PLEKHG6: variants seen among roughly 807,000 people sequenced by gnomAD.
The protein encoded by PLEKHG6 is pleckstrin homology and RhoGEF domain containing G6.
A neutral mutation model predicts 97.5 loss-of-function variants in PLEKHG6; 91 were observed. The observed-to-expected ratio is 0.93, with a 90% confidence interval of 0.79 to 1.11. PLEKHG6 has a LOEUF of 1.11. Ranked by LOEUF, PLEKHG6 falls within the 50% of genes most tolerant of loss-of-function variation. PLEKHG6 has a pLI of 0.00. For missense variants in PLEKHG6, 1,044 were observed against 1,031.0 expected (o/e 1.01, Z -0.17); for synonymous variants, 466 against 425.5 (o/e 1.10, Z -1.17).
chr12:6,327,479 T>TCGCCC lies in PLEKHG6; in HGVS notation c.1897_1898insGCCCC (p.Pro633ArgfsTer24). On this transcript the variant is annotated frameshift_variant, in exon 15 of 16. Coordinates refer to ENST00000684764, the MANE Select transcript of PLEKHG6 (RefSeq NM_001384598.1). LOFTEE classifies it high-confidence loss of function. ...TGGAACTCCGGGACATCCCTCTGCG[T>TCGCCC]CCCCACCCTCCCGACCCCCAAGCTC... 1.9e-6 allele frequency: 3 copies of TCGCCC among 1,603,244 alleles called. No homozygotes were observed. Among genetic ancestry groups the TCGCCC allele is most frequent in the Non-Finnish European group, 2.6e-6 (3 of 1,171,698 alleles).
Position 6,327,801 on chromosome 12 carries a change from A to T in PLEKHG6, c.2218A>T (p.Arg740Ter), listed in dbSNP as rs374611798. The T allele has an allele frequency of 9.9e-6, 15 of 1,517,822 alleles. No homozygotes were observed. Among genetic ancestry groups the T allele is most frequent in the Non-Finnish European group, 1.3e-5 (15 of 1,134,668 alleles). 94.0% of individuals were successfully genotyped at this position (1,517,822 alleles called of 1,614,324 possible). A position where few individuals can be genotyped will look rare whatever the true frequency, so the allele number is the denominator to read the frequency against. Reference sequence around the variant, plus strand: ...CCCAATGCGGGCTGAGGACATGCTCAGAGAGATCCGGGAGGAGCTGGCCAG... The same window carrying T: ...CCCAATGCGGGCTGAGGACATGCTCTGAGAGATCCGGGAGGAGCTGGCCAG... ...LRPMRAEDML[R>*]EIREELASQR... is the part of the protein sequence containing the mutation. Residue 740 changes from arginine (R) to a stop codon, truncating the protein, a stop_gained, in exon 15 of 16, where the codon AGA (arginine) becomes TGA (stop). Coordinates refer to ENST00000684764, the MANE Select transcript of PLEKHG6 (RefSeq NM_001384598.1). LOFTEE classifies it high-confidence loss of function.
rs763446832 is a variant in PLEKHG6 at position 6,315,156 on chromosome 12, T to A, written c.446T>A (p.Val149Glu). 9.8e-5 allele frequency: 158 copies of A among 1,610,918 alleles called. 7 individuals are homozygous for A. The South Asian group carries it at 1.6e-3, about 16-fold the overall frequency. ...LTIEKSWREL[V>E]PGHKEMSQEL... ...ATCGAGAAGTCCTGGAGGGAGCTGGTGCCTGGGCACAAGGTGAGCCTGAAA... is the reference window on the plus strand; with the variant it reads ...ATCGAGAAGTCCTGGAGGGAGCTGGAGCCTGGGCACAAGGTGAGCCTGAAA... The change falls in exon 4 of 16, where the codon GTG becomes GAG. Residue 149 changes from valine to glutamate, a missense_variant. By Grantham distance (121) the Val-to-Glu change is moderately radical. Transcript: ENST00000684764. The surrounding 1 kb of genome is among the most constrained non-coding windows in gnomAD (Gnocchi z 4.5).
intron 3 of PLEKHG6, 151 bp from the exon 4 acceptor site, chr12:6,314,854 C>T (rs1163777284): frequency 1.1e-5 from 8 of 704,644 alleles, no homozygotes; most frequent in African/African-American, 8.9e-5. Flanking sequence ...CATGTCCCCA[C>T]TCATACTCAG....
chr12:6,312,679 G>T (rs1476638381), intron 2 of PLEKHG6: 2 of 1,192,692 alleles, frequency 1.7e-6, no homozygotes, highest in Non-Finnish European at 2.1e-6. Flanking sequence ...CGCCTCCCAG[G>T]CTCCCGCCTC....
upstream of PLEKHG6, chr12:6,310,549 A>G (rs373263249): frequency 3.3e-5 from 5 of 152,056 alleles, no homozygotes; most frequent in East Asian, 5.8e-4. Flanking sequence ...GGGCACCGCC[A>G]CGTGAGCTGT....
Position 6,315,110 on chromosome 12 carries a change from G to C in PLEKHG6, c.400G>C (p.Gly134Arg). 6.2e-7 allele frequency: 1 copy of C among 1,613,058 alleles called. No individual in the cohort carries two copies. The highest frequency in any genetic ancestry group is 1.6e-4 in the Middle Eastern group (1 of 6,062). Residue 134 changes from glycine to arginine, a missense_variant, in exon 4 of 16, where the codon GGT becomes CGT. Transcript: ENST00000684764. The surrounding 1 kb of genome is among the most constrained non-coding windows in gnomAD (Gnocchi z 4.5). ...EDRRHWEIGE[G>R]GDSGLTIEKS... ...CCGGCGGCACTGGGAGATAGGAGAG[G>C]GTGGCGACAGTGGCCTGACCATCGA... is the stretch of plus-strand genomic sequence containing the variant.
chr12:6,318,786 G>A lies in PLEKHG6; in HGVS notation c.1317G>A (p.Val439=). ...YLFLFSDVLL[V]TKPQRKADKA... Reference sequence around the variant, plus strand: ...TCCTCTTCTCTGATGTGCTCCTTGTGACCAAGCCCCAGCGCAAGGCGGACA... The same window carrying A: ...TCCTCTTCTCTGATGTGCTCCTTGTAACCAAGCCCCAGCGCAAGGCGGACA... Residue 439 remains valine (V), a synonymous_variant, in exon 12 of 16, where the codon GTG becomes GTA. Transcript: ENST00000684764. 2 of 1,613,968 alleles carry A rather than the reference G, an allele frequency of 1.2e-6. No homozygotes were observed. The highest frequency in any genetic ancestry group is 1.7e-6 in the Non-Finnish European group (2 of 1,179,996).
intron 13 of PLEKHG6, 103 bp from the exon 14 acceptor site, chr12:6,326,320 TAATAA>T (rs1947853119): frequency 4.7e-6 from 3 of 633,618 alleles, no homozygotes. Flanking sequence ...ATAATAATAA[TAATAA>T]AATAAAATAA....
Position 6,317,329 on chromosome 12 carries a change from C to G in PLEKHG6, c.783C>G (p.Val261=). Residue 261 remains valine (V), a synonymous_variant, in exon 8 of 16, where the codon GTC becomes GTG. Transcript: ENST00000684764. The part of the protein sequence containing the change: ...LTFGQRFHPY[V]QYCLRVKQTM... The stretch of plus-strand genomic sequence containing the variant: ...TTGGCCAGCGGTTCCACCCCTATGT[C>G]CAGTACTGCCTCCGAGTGAAGCAGA... The G allele has an allele frequency of 1.2e-6, 2 of 1,613,938 alleles. No individual in the cohort carries two copies. The highest frequency in any genetic ancestry group is 1.7e-6 in the Non-Finnish European group (2 of 1,179,854).
In PLEKHG6 at chr12:6,328,192, T is replaced by G; in HGVS notation, c.*47T>G. 1 of 1,582,484 alleles carries G rather than the reference T, an allele frequency of 6.3e-7. No homozygotes were observed. Among genetic ancestry groups the G allele is most frequent in the Non-Finnish European group, 8.7e-7 (1 of 1,151,622 alleles). On this transcript the variant is annotated 3_prime_UTR_variant, in exon 16 of 16. Transcript: ENST00000684764. ...ATGCATCTCTCCCAGAGGAGATCTC[T>G]CCCCAGTAGTGCTGGTCACCCTCCG...
In PLEKHG6 at chr12:6,313,153, C is replaced by CAGGCTGCACGCCCCTGGGGAGA. The variant is rs778043023; in HGVS notation, c.139-466_139-445dup. On this transcript the variant is annotated intron_variant, in intron 2 of 15. Transcript: ENST00000684764. The stretch of plus-strand genomic sequence containing the variant: ...CAGCCACTCCCAGCTGGATGGGATG[C>CAGGCTGCACGCCCCTGGGGAGA]AGGCTGCACGCCCCTGGGGAGAAGG... The CAGGCTGCACGCCCCTGGGGAGA allele has an allele frequency of 1.9e-6, 3 of 1,548,774 alleles. No homozygotes were observed. The Admixed American group carries it at 5.9e-5, about 30-fold the overall frequency.
At position 6,328,217 on chromosome 12, in the gene PLEKHG6, G is replaced by A. The variant is rs1156913886; in HGVS notation, c.*72G>A. 63 of 1,480,090 alleles carry A rather than the reference G, an allele frequency of 4.3e-5. No individual in the cohort carries two copies. Among genetic ancestry groups the A allele is most frequent in the East Asian group, 2.3e-4 (10 of 44,046 alleles). The allele number at this position is 1,480,090 out of a possible 1,614,324, so 91.7% of individuals were successfully genotyped here. The stretch of plus-strand genomic sequence containing the variant: ...TCCCCAGTAGTGCTGGTCACCCTCC[G>A]GCATCTGTGACTCTACCTCAAGGAC... On this transcript the variant is annotated 3_prime_UTR_variant, in exon 16 of 16. Coordinates refer to ENST00000684764, the MANE Select transcript of PLEKHG6 (RefSeq NM_001384598.1).
In PLEKHG6 at chr12:6,314,201, C is replaced by T. The variant is rs1481445164; in HGVS notation, c.294+417C>T. On this transcript the variant is annotated intron_variant, in intron 3 of 15. Coordinates refer to ENST00000684764, the MANE Select transcript of PLEKHG6 (RefSeq NM_001384598.1). ...GTGTCTATTGCTCACATTCTTGGTA[C>T]CAAAGAAACCTGTAAAATGGGCCGG... Among the ~76,000 whole-genome samples, 6 of 152,078 alleles carry T rather than the reference C, an allele frequency of 3.9e-5. No homozygotes were observed. The East Asian group carries it at 5.8e-4, about 15-fold the overall frequency.
chr12:6,327,308 T>A lies in PLEKHG6; in HGVS notation c.1725T>A (p.Asp575Glu). 1 of 1,613,570 alleles carries A rather than the reference T, an allele frequency of 6.2e-7. No individual in the cohort carries two copies. The highest frequency in any genetic ancestry group is 8.5e-7 in the Non-Finnish European group (1 of 1,179,714). Residue 575 changes from aspartate to glutamate, a missense_variant, in exon 15 of 16, where the codon GAT (aspartate) becomes GAA (glutamate). Physicochemically the swap from Asp to Glu is conservative, Grantham distance 45 (BLOSUM62 2). Coordinates refer to ENST00000684764, the MANE Select transcript of PLEKHG6 (RefSeq NM_001384598.1). Reference protein sequence around the residue: ...IPHLVVTEDTDEDAPLVPDDT... With the variant: ...IPHLVVTEDTEEDAPLVPDDT... Reference sequence around the variant, plus strand: ...ACCTGGTGGTGACAGAAGACACAGATGAAGATGCTCCCCTTGTGCCAGATG... The same window carrying A: ...ACCTGGTGGTGACAGAAGACACAGAAGAAGATGCTCCCCTTGTGCCAGATG...
At chr12:6,312,639 G>A (rs1229501139) in intron 2 of PLEKHG6, 1 of 1,251,768 alleles carries the variant, frequency 8.0e-7, no homozygotes, top group African/African-American at 1.6e-5. Flanking sequence ...ACAAAGAGCT[G>A]CGGGTAAGGT....
chr12:6,327,479 T>TGGGCCCCCCCCCCCCCCCCCCCC lies in PLEKHG6; in HGVS notation c.1896_1897insGGGCCCCCCCCCCCCCCCCCCCC (p.Pro633GlyfsTer30). On this transcript the variant is annotated frameshift_variant, in exon 15 of 16. Transcript: ENST00000684764. LOFTEE classifies it high-confidence loss of function. ...TGGAACTCCGGGACATCCCTCTGCG[T>TGGGCCCCCCCCCCCCCCCCCCCC]CCCCACCCTCCCGACCCCCAAGCTC... is the stretch of plus-strand genomic sequence containing the variant. 1 of 1,603,270 alleles carries TGGGCCCCCCCCCCCCCCCCCCCC rather than the reference T, an allele frequency of 6.2e-7. No homozygotes were observed. Among genetic ancestry groups the TGGGCCCCCCCCCCCCCCCCCCCC allele is most frequent in the Non-Finnish European group, 8.5e-7 (1 of 1,171,716 alleles).
At chr12:6,319,347 C>T (rs1947619322) in intron 13 of PLEKHG6, 1 of 633,614 alleles carries the variant, frequency 1.6e-6, no homozygotes, top group South Asian at 2.1e-5. Context: ...ACTTGGGAGG[C>T]TGAGGCAGGA....
chr12:6,326,626 A>G (rs969094119), intron 14 of PLEKHG6, 53 bp downstream of exon 14: 2 of 1,395,824 alleles, frequency 1.4e-6, no homozygotes, highest in South Asian at 1.6e-5. Context: ...GGGAGCCATA[A>G]GGCTGAGAAA....
intron 2 of PLEKHG6, chr12:6,313,114 T>C (rs1366955312): frequency 1.9e-6 from 3 of 1,541,286 alleles, no homozygotes; most frequent in Non-Finnish European, 2.6e-6. Flanking sequence ...GCTTCAGCCT[T>C]TCACACAGAA....
Sources: gnomAD v4.1 joint callset for allele counts (sites outside exome capture counted in the v4.1 genomes callset) on GRCh38, gnomAD v4.1.1 for gene constraint, Gnocchi (gnomAD v3.1) non-coding constraint, MANE v1.5 for transcripts, NCBI Gene and HGNC (gene_info 2026-07-23, HGNC 2026-07-21) for gene names.